The following CADM2 variants were observed in gnomAD, a reference collection of about 807,000 sequenced individuals.
CADM2 encodes cell adhesion molecule 2, also known as immunoglobulin superfamily member 4D.
In CADM2, 12 loss-of-function variants were observed where a neutral mutation model predicts 49.8. The ratio of observed to expected loss-of-function variants is 0.24; its 90% confidence interval spans 0.15 to 0.39. The LOEUF (loss-of-function observed/expected upper bound fraction) is 0.39. CADM2 is among the 10% of genes least tolerant of loss of function. The probability of loss-of-function intolerance (pLI) is 1.00; values close to 1 mark genes in which losing one functional copy is unlikely to be tolerated. For synonymous variants in CADM2, 214 were observed against 175.4 expected, an observed-to-expected ratio of 1.22 and a Z score of -1.74; for missense variants, 378 against 492.3, an observed-to-expected ratio of 0.77 and a Z score of 2.20.
intron 1 of CADM2, among the ~76,000 whole-genome samples, chr3:85,175,210 C>T (rs555505933): frequency 3.3e-5 from 5 of 152,058 alleles, no homozygotes; most frequent in Non-Finnish European, 7.4e-5. Flanking sequence ...AAAGTTGTAT[C>T]GTCATATTTC....
At chr3:85,895,855 TC>T (rs369349405) in intron 5 of CADM2, among the ~76,000 whole-genome samples, 386 of 152,270 alleles carry the variant, frequency 2.5e-3, no homozygotes, top group African/African-American at 7.9e-3. Flanking sequence ...CAGCCTTTGC[TC>T]CTCTTTTGCT....
At chr3:86,014,864 T>C (rs1275178542) in intron 8 of CADM2, 3 of 1,530,116 alleles carry the variant, frequency 2.0e-6, no homozygotes, top group Non-Finnish European at 2.7e-6. Flanking sequence ...TTTTTCCTAA[T>C]GTGTATGCAT....
intron 2 of CADM2, among the ~76,000 whole-genome samples, chr3:85,745,631 G>C (rs1348726580): frequency 6.6e-6 from 1 of 152,118 alleles, no homozygotes; most frequent in Non-Finnish European, 1.5e-5. Flanking sequence ...TTTGGGAGGT[G>C]AAGGTGGGAA....
At chr3:85,888,661 C>T (rs190594570) in intron 5 of CADM2, among the ~76,000 whole-genome samples, 1 of 152,088 alleles carries the variant, frequency 6.6e-6, no homozygotes, top group Non-Finnish European at 1.5e-5. Context: ...ATGTTTACAT[C>T]GTTTGTCTCC....
At chr3:85,935,565 T>C (rs1423631624) in intron 6 of CADM2, among the ~76,000 whole-genome samples, 1 of 152,052 alleles carries the variant, frequency 6.6e-6, no homozygotes, top group African/African-American at 2.4e-5. Context: ...GATATTTAGA[T>C]ATTTTTGTTA....
At chr3:85,335,111 G>A (rs2045042723) in intron 1 of CADM2, among the ~76,000 whole-genome samples, 1 of 151,238 alleles carries the variant, frequency 6.6e-6, no homozygotes, top group Non-Finnish European at 1.5e-5. Context: ...GTCTTCATGA[G>A]AACAAATTGT....
chr3:85,713,144 C>T (rs988515149), intron 1 of CADM2, among the ~76,000 whole-genome samples: 1 of 152,156 alleles, frequency 6.6e-6, no homozygotes, highest in Admixed American at 6.5e-5. Flanking sequence ...ATCTCCCAGG[C>T]TGGAGTGAAG....
At chr3:85,083,031 A>G (rs1559651233) in intron 1 of CADM2, among the ~76,000 whole-genome samples, 1 of 152,186 alleles carries the variant, frequency 6.6e-6, no homozygotes, top group Non-Finnish European at 1.5e-5. Flanking sequence ...GATTTTAGCC[A>G]TCTGTGTGTT....
chr3:85,899,392 A>G (rs1457843008), intron 5 of CADM2, among the ~76,000 whole-genome samples: 4 of 152,248 alleles, frequency 2.6e-5, no homozygotes, highest in Admixed American at 6.5e-5. Flanking sequence ...TTTTGAATCT[A>G]TTTTGAGTTA....
chr3:85,722,604 CA>C (rs913890513), intron 1 of CADM2, among the ~76,000 whole-genome samples: 4 of 152,186 alleles, frequency 2.6e-5, no homozygotes, highest in Admixed American at 2.6e-4. Flanking sequence ...TTCTAACAAA[CA>C]CTTCTAAAGG....
chr3:85,890,390 A>G (rs533149691), intron 5 of CADM2, among the ~76,000 whole-genome samples: 1 of 152,286 alleles, frequency 6.6e-6, no homozygotes, highest in African/African-American at 2.4e-5. Context: ...AAGTGGAGGA[A>G]GGAGTCAATT....
chr3:85,923,261 A>G (rs1719379519), intron 6 of CADM2, among the ~76,000 whole-genome samples: 1 of 152,192 alleles, frequency 6.6e-6, no homozygotes, highest in Non-Finnish European at 1.5e-5. Flanking sequence ...CCTTTCAGCA[A>G]AATCATATGG....
At chr3:85,628,796 A>G (rs953912377) in intron 1 of CADM2, among the ~76,000 whole-genome samples, 2 of 150,948 alleles carry the variant, frequency 1.3e-5, no homozygotes, top group Admixed American at 1.3e-4. Context: ...TTACATGGGA[A>G]TATCTTAAAT....
chr3:85,457,009 C>T (rs1247793926), intron 1 of CADM2, among the ~76,000 whole-genome samples: 1 of 151,832 alleles, frequency 6.6e-6, no homozygotes, highest in Non-Finnish European at 1.5e-5. Flanking sequence ...ATTCTTATTT[C>T]TAGATACTTG....
At chr3:85,830,060 T>G (rs907962242) in intron 3 of CADM2, among the ~76,000 whole-genome samples, 4 of 151,974 alleles carry the variant, frequency 2.6e-5, no homozygotes, top group African/African-American at 9.7e-5. Flanking sequence ...ATAGGGTAGT[T>G]TTATACTTTT....
chr3:85,653,513 G>A (rs1019500760), intron 1 of CADM2, among the ~76,000 whole-genome samples: 2 of 151,808 alleles, frequency 1.3e-5, no homozygotes, highest in Non-Finnish European at 2.9e-5. Flanking sequence ...CATGGTGATT[G>A]CTTTTTTCTG....
intron 1 of CADM2, among the ~76,000 whole-genome samples, chr3:85,532,488 T>C (rs961974699): frequency 1.3e-5 from 2 of 152,210 alleles, no homozygotes; most frequent in Non-Finnish European, 2.9e-5. Flanking sequence ...ATTTGTGAGC[T>C]ACAGTCCTTT....
At chr3:85,483,560 C>T (rs1024169822) in intron 1 of CADM2, among the ~76,000 whole-genome samples, 27 of 150,642 alleles carry the variant, frequency 1.8e-4, no homozygotes, top group African/African-American at 6.3e-4. Flanking sequence ...CATTTTATAA[C>T]ATTTCCAATT....
chr3:84,989,035 C>A (rs1330449368), intron 1 of CADM2, among the ~76,000 whole-genome samples: 1 of 152,098 alleles, frequency 6.6e-6, no homozygotes, highest in Non-Finnish European at 1.5e-5. Context: ...AGTTAAGGTG[C>A]CATTCATGGC....
Sources: allele counts gnomAD v4.1 joint callset (sites outside exome capture counted in the v4.1 genomes callset), GRCh38; gene constraint gnomAD v4.1.1; transcripts MANE v1.5; gene names NCBI Gene and HGNC (gene_info 2026-07-23, HGNC 2026-07-21).